Variants in SYT16 observed in about 807,000 individuals in gnomAD.
The protein encoded by SYT16 is synaptotagmin-16.
SYT16 carries 42 observed loss-of-function variants against 61.4 expected under a neutral mutation model. The ratio of observed to expected loss-of-function variants is 0.68; its 90% CI spans 0.53 to 0.89. The LOEUF (loss-of-function observed/expected upper bound fraction) is 0.89. Ranked by LOEUF, SYT16 falls within the 40% of genes least tolerant of loss-of-function variation. SYT16 has a pLI of 0.00. For missense variants in SYT16, 804 were observed against 807.3 expected (o/e 1.00, Z 0.05); for synonymous variants, 314 against 302.3 (o/e 1.04, Z -0.40).
chr14:61,943,989 A>C (rs963591782), intron 1 of SYT16, among the ~76,000 whole-genome samples: 1 of 152,218 alleles, frequency 6.6e-6, no homozygotes, highest in African/African-American at 2.4e-5. Context: ...AGACTCCATC[A>C]TCTCAGCCCA....
chr14:61,968,386 A>T (rs2051405402), intron 1 of SYT16, among the ~76,000 whole-genome samples: 1 of 152,168 alleles, frequency 6.6e-6, no homozygotes, highest in Admixed American at 6.5e-5. Flanking sequence ...GATGGGAGAC[A>T]CCTGGTTCAT....
upstream of SYT16, chr14:61,812,576 G>C (rs1473188491): frequency 1.3e-5 from 2 of 150,688 alleles, no homozygotes; most frequent in Admixed American, 6.6e-5. Context: ...CGTTCTGCCC[G>C]GGAGGCTGGG....
chr14:61,835,917 T>A (rs1213127675), intron 1 of SYT16, among the ~76,000 whole-genome samples: 4 of 152,220 alleles, frequency 2.6e-5, no homozygotes, highest in Non-Finnish European at 5.9e-5. Flanking sequence ...ATGTCCCAGG[T>A]GAGTAAGACC....
chr14:62,021,046 A>T (rs576691497), intron 3 of SYT16, among the ~76,000 whole-genome samples: 35 of 151,956 alleles, frequency 2.3e-4, no homozygotes, highest in African/African-American at 7.5e-4. Flanking sequence ...TTTCTTCTTA[A>T]TTCCTCTCCT....
chr14:62,010,618 A>G (rs1039562006), intron 3 of SYT16, among the ~76,000 whole-genome samples: 2 of 152,182 alleles, frequency 1.3e-5, no homozygotes, highest in Admixed American at 6.6e-5. Context: ...CCTAATATTT[A>G]ATACATTTTT....
rs1351640578 is a variant in SYT16, at chr14:62,011,870, T to TAC, written c.523+15329_523+15330insCA. On this transcript the variant is annotated intron_variant, in intron 3 of 7. Coordinates refer to ENST00000683842, the MANE Select transcript of SYT16 (RefSeq NM_001367656.1). ...GTCTACCACAAGTCAGGGAACACTA[T>TAC]ATATACACACACACACACACACACA... Among the ~76,000 whole-genome samples the TAC allele has an allele frequency of 8.3e-3, 1,030 of 124,046 alleles. 34 individuals are homozygous for TAC. Among genetic ancestry groups the TAC allele is most frequent in the Admixed American group, 0.04 (507 of 12,734 alleles). The allele number at this position is 124,046 out of a possible 152,430, so 81.4% of individuals were successfully genotyped here. A position where few individuals can be genotyped will look rare whatever the true frequency, so the allele number is the denominator to read the frequency against.
intron 2 of SYT16, among the ~76,000 whole-genome samples, chr14:61,989,261 G>T (rs1383359384): frequency 6.6e-6 from 1 of 152,168 alleles, no homozygotes; most frequent in Non-Finnish European, 1.5e-5. Context: ...TTGAGTGCCT[G>T]TTAATACTGG....
In SYT16 at chr14:62,111,343, C is replaced by T. The variant is rs1026223040; in HGVS notation, c.*10636C>T. On this transcript the variant is annotated 3_prime_UTR_variant, in exon 8 of 8. Coordinates refer to ENST00000683842, the MANE Select transcript of SYT16 (RefSeq NM_001367656.1). ...AGGAGATTTTACCCTACATGGAGTACACTGTTCTTAGCAGGGAATGTGCTT... is the reference window on the plus strand; with the variant it reads ...AGGAGATTTTACCCTACATGGAGTATACTGTTCTTAGCAGGGAATGTGCTT... 2.0e-5 allele frequency: 3 copies of T among 152,050 alleles called. No homozygotes were observed. Among genetic ancestry groups the T allele is most frequent in the Non-Finnish European group, 2.9e-5 (2 of 67,924 alleles). 9.4% of individuals were successfully genotyped at this position (152,050 alleles called of 1,614,324 possible).
At chr14:61,875,271 T>C (rs1014540656) in intron 1 of SYT16, among the ~76,000 whole-genome samples, 1 of 152,208 alleles carries the variant, frequency 6.6e-6, no homozygotes, top group Admixed American at 6.5e-5. Context: ...AAGGGCTGTG[T>C]CAACCTGTAT....
intron 1 of SYT16, among the ~76,000 whole-genome samples, chr14:61,945,931 C>G (rs913161624): frequency 7.0e-6 from 1 of 143,686 alleles, no homozygotes; most frequent in African/African-American, 2.6e-5. Flanking sequence ...AAACTGGAAA[C>G]CATCATTCTC....
At chr14:61,860,727 C>T (rs1486880163) in intron 1 of SYT16, among the ~76,000 whole-genome samples, 2 of 152,182 alleles carry the variant, frequency 1.3e-5, no homozygotes, top group Non-Finnish European at 2.9e-5. Flanking sequence ...GATTGCTGCA[C>T]TACATTGAGG....
intron 3 of SYT16, among the ~76,000 whole-genome samples, chr14:62,016,747 A>G (rs926920226): frequency 1.3e-5 from 2 of 152,106 alleles, no homozygotes; most frequent in Admixed American, 6.6e-5. Flanking sequence ...GGCATTGCTT[A>G]TAATGGGATT....
chr14:61,893,295 G>T (rs1265112832), intron 1 of SYT16, among the ~76,000 whole-genome samples: 1 of 152,186 alleles, frequency 6.6e-6, no homozygotes, highest in Non-Finnish European at 1.5e-5. Flanking sequence ...AGTTAACGCT[G>T]GGTATTTATG....
intron 3 of SYT16, among the ~76,000 whole-genome samples, chr14:62,018,056 C>A (rs1290394101): frequency 6.6e-6 from 1 of 152,122 alleles, no homozygotes; most frequent in African/African-American, 2.4e-5. Context: ...TCCATCTCTC[C>A]CTCTCATGTG....
intron 1 of SYT16, among the ~76,000 whole-genome samples, chr14:61,898,498 T>A (rs217680): frequency 0.86 from 130,866 of 152,146 alleles, 56,572 homozygotes; most frequent in East Asian, 0.98. Flanking sequence ...GTTTAGGGAG[T>A]TGTCAGATCT....
At position 62,100,478 on chromosome 14, in the gene SYT16, A is replaced by G. The variant is rs776763293; in HGVS notation, c.1709A>G (p.Asn570Ser). 24 of 1,613,490 alleles carry G rather than the reference A, an allele frequency of 1.5e-5. No homozygotes were observed. Among genetic ancestry groups the G allele is most frequent in the Non-Finnish European group, 1.9e-5 (23 of 1,179,772 alleles). Residue 570 changes from asparagine (N) to serine (S), a missense_variant, in exon 8 of 8, where the codon AAT becomes AGT. Asn to Ser is a conservative substitution (Grantham distance 46). Transcript: ENST00000683842. ...ACGTCCATTCGGCGTGGTCAGCCCA[A>G]TCCTGTCTATAAGGAGACCTTTGTT... is the stretch of plus-strand genomic sequence containing the variant. Reference protein sequence around the residue: ...CKTSIRRGQPNPVYKETFVFQ... With the variant: ...CKTSIRRGQPSPVYKETFVFQ...
At chr14:61,887,092 T>A (rs1235336145) in intron 1 of SYT16, among the ~76,000 whole-genome samples, 3 of 152,166 alleles carry the variant, frequency 2.0e-5, no homozygotes, top group Admixed American at 1.3e-4. Flanking sequence ...TCCTCCTTGA[T>A]CAGTGGGCTG....
At chr14:62,006,074 C>A (rs1279025075) in intron 3 of SYT16, among the ~76,000 whole-genome samples, 2 of 152,242 alleles carry the variant, frequency 1.3e-5, no homozygotes, top group South Asian at 4.1e-4. Context: ...AGCCATTGAA[C>A]AAAAGCTCTT....
rs1405331595 is a variant in SYT16, at chr14:62,104,803, A to G, written c.*4096A>G. Reference sequence around the variant, plus strand: ...GCCAGCCTGTATCCTGGTTTCTTCAACTGGAAAATGGAAATAATACCTACC... The same window carrying G: ...GCCAGCCTGTATCCTGGTTTCTTCAGCTGGAAAATGGAAATAATACCTACC... On this transcript the variant is annotated 3_prime_UTR_variant, in exon 8 of 8. Coordinates refer to ENST00000683842, the MANE Select transcript of SYT16 (RefSeq NM_001367656.1). The G allele has an allele frequency of 6.6e-6, 1 of 152,190 alleles. No individual in the cohort carries two copies. The highest frequency in any genetic ancestry group is 1.5e-5 in the Non-Finnish European group (1 of 68,028). The allele number at this position is 152,190 out of a possible 1,614,324, so 9.4% of individuals were successfully genotyped here. A position where few individuals can be genotyped will look rare whatever the true frequency, so the allele number is the denominator to read the frequency against.
Sources: gnomAD v4.1 joint callset for allele counts (sites outside exome capture counted in the v4.1 genomes callset) on GRCh38, gnomAD v4.1.1 for gene constraint, MANE v1.5 for transcripts, NCBI Gene and HGNC (gene_info 2026-07-23, HGNC 2026-07-21) for gene names.